The following SYNE1 variants were observed in gnomAD, a reference collection of about 807,000 sequenced individuals.
SYNE1 encodes spectrin repeat containing nuclear envelope protein 1, also known as nesprin-1.
In SYNE1, 616 loss-of-function variants were observed where a neutral mutation model predicts 1,111.0. That is an observed-to-expected ratio of 0.55 (90% CI 0.52 to 0.59). The LOEUF (loss-of-function observed/expected upper bound fraction) is 0.59. SYNE1 is among the 20% of genes least tolerant of loss of function. The pLI, the probability that SYNE1 is intolerant of heterozygous loss-of-function variation, is 0.00. For synonymous variants in SYNE1, 3,855 were observed against 3,825.8 expected (o/e 1.01, Z -0.28); for missense variants, 10,006 against 10,417.0 (o/e 0.96, Z 1.72).
intron 95 of SYNE1, among the ~76,000 whole-genome samples, chr6:152,291,603 T>G (rs931383943): frequency 1.3e-5 from 2 of 152,158 alleles, no homozygotes; most frequent in Non-Finnish European, 2.9e-5. Context: ...TGGTGCTGAT[T>G]GGAAGCTAAC....
intron 124 of SYNE1, among the ~76,000 whole-genome samples, chr6:152,208,804 T>C (rs772325049): frequency 6.6e-6 from 1 of 152,244 alleles, no homozygotes; most frequent in African/African-American, 2.4e-5. Context: ...CTCTTCTACA[T>C]TGTAGGCTGA....
Position 152,213,705 on chromosome 6 carries a change from T to C in SYNE1, c.22401A>G (p.Thr7467=), listed in dbSNP as rs756986735. The part of the protein sequence containing the change: ...QHQTFLEKCE[T]WMEFLVQTEQ... ...CTGTCTGAACTAGGAATTCCATCCA[T>C]GTTTCACATTTTTCCAAGAAAGTCT... The change falls in exon 123 of 146, where the codon ACA becomes ACG. Residue 7467 remains threonine, a synonymous_variant. Transcript: ENST00000367255. 7.4e-6 allele frequency: 12 copies of C among 1,614,138 alleles called. No homozygotes were observed. Among genetic ancestry groups the C allele is most frequent in the East Asian group, 2.2e-5 (1 of 44,870 alleles).
chr6:152,132,890 T>C (rs1320092886), intron 143 of SYNE1, among the ~76,000 whole-genome samples: 3 of 145,940 alleles, frequency 2.1e-5, no homozygotes, highest in Non-Finnish European at 4.5e-5. Flanking sequence ...TTTTTTTTTC[T>C]GTATACATAA....
At chr6:152,382,631 A>G (rs2097441507) in intron 55 of SYNE1, among the ~76,000 whole-genome samples, 1 of 152,202 alleles carries the variant, frequency 6.6e-6, no homozygotes, top group Admixed American at 6.5e-5. Flanking sequence ...ATCACTGTTT[A>G]TTAGTGTGTA....
chr6:152,460,110 G>A (rs2154263280), intron 21 of SYNE1, among the ~76,000 whole-genome samples: 1 of 152,254 alleles, frequency 6.6e-6, no homozygotes, highest in East Asian at 1.9e-4. Context: ...CAGTAAAAAG[G>A]CAAATGACAA....
chr6:152,557,728 A>G (rs2099373743), intron 3 of SYNE1, among the ~76,000 whole-genome samples: 1 of 152,212 alleles, frequency 6.6e-6, no homozygotes, highest in Non-Finnish European at 1.5e-5. Context: ...GCTGTCTTTA[A>G]GAAATGAAGG....
intron 40 of SYNE1, among the ~76,000 whole-genome samples, chr6:152,417,712 GA>G (rs1166551217): frequency 6.6e-6 from 1 of 151,762 alleles, no homozygotes; most frequent in African/African-American, 2.4e-5. Context: ...TTTGTATTTA[GA>G]TATCTCATAT....
At position 152,321,291 on chromosome 6, in the gene SYNE1, C is replaced by T; in HGVS notation, c.16183G>A (p.Glu5395Lys). Reference protein sequence around the residue: ...YLGLYTILPSELSLQLAEVAL... With the variant: ...YLGLYTILPSKLSLQLAEVAL... ...ACTTCAGCCAACTGAAGGGAGAGTT[C>T]AGAAGGTAATATGGTATAAAGACCT... The change falls in exon 84 of 146, where the codon GAA becomes AAA. Residue 5395 changes from glutamate (E) to lysine (K), a missense_variant. Physicochemically the swap from Glu to Lys is moderately conservative, Grantham distance 56. This residue lies in a region of SYNE1 where 4,955 missense variants were observed against 5,017.2 expected (regional missense o/e 0.99). Coordinates refer to ENST00000367255, the MANE Select transcript of SYNE1 (RefSeq NM_182961.4). 1 of 1,613,820 alleles carries T rather than the reference C, an allele frequency of 6.2e-7. No individual in the cohort carries two copies. The highest frequency in any genetic ancestry group is 1.1e-5 in the South Asian group (1 of 91,064).
chr6:152,433,586 G>A, intron 34 of SYNE1: 1 of 586,146 alleles, frequency 1.7e-6, no homozygotes, highest in Non-Finnish European at 3.0e-6. Flanking sequence ...GAATGCACAA[G>A]TCAGACAATG....
At chr6:152,536,194 A>G (rs958424995) in intron 4 of SYNE1, among the ~76,000 whole-genome samples, 1 of 150,464 alleles carries the variant, frequency 6.6e-6, no homozygotes, top group Non-Finnish European at 1.5e-5. Context: ...TCAGAATCCC[A>G]TTCATTGCCT....
chr6:152,258,210 C>T (rs2091299431), intron 101 of SYNE1, among the ~76,000 whole-genome samples: 1 of 152,096 alleles, frequency 6.6e-6, no homozygotes, highest in South Asian at 2.1e-4. Flanking sequence ...ATGATAGAAC[C>T]TGAGTTTTCT....
intron 135 of SYNE1, 126 bp downstream of exon 135, chr6:152,151,427 T>A (rs1332123940): frequency 8.7e-7 from 1 of 1,154,454 alleles, no homozygotes; most frequent in Non-Finnish European, 1.2e-6. Context: ...ATTTTCTGAA[T>A]TTTTTTGCAG....
rs1180289464 is a variant in SYNE1 at position 152,139,513 on chromosome 6, C to T, written c.25458+437G>A. ...TTAAACCTGGGAGGCAGAGGTTGCACTGAGCTGAGATCATGCCACTGCACT... is the reference window on the plus strand; with the variant it reads ...TTAAACCTGGGAGGCAGAGGTTGCATTGAGCTGAGATCATGCCACTGCACT... On this transcript the variant is annotated intron_variant, in intron 140 of 145. Transcript: ENST00000367255. Among the ~76,000 whole-genome samples, 3 of 144,010 alleles carry T rather than the reference C, an allele frequency of 2.1e-5. No individual in the cohort carries two copies. The East Asian group carries it at 6.3e-4, about 30-fold the overall frequency. The allele number at this position is 144,010 out of a possible 152,430, so 94.5% of individuals were successfully genotyped here.
intron 16 of SYNE1, among the ~76,000 whole-genome samples, chr6:152,468,478 T>C (rs1446802406): frequency 2.0e-5 from 3 of 152,196 alleles, no homozygotes; most frequent in African/African-American, 7.2e-5. Context: ...AATTACCTTT[T>C]GGTTTGCATT....
chr6:152,381,450 C>T (rs768075980), intron 55 of SYNE1, 88 bp from the exon 56 acceptor site: 2 of 1,355,516 alleles, frequency 1.5e-6, no homozygotes, highest in Admixed American at 3.4e-5. Flanking sequence ...GGGACCCTGT[C>T]CTGCCAGGAA....
At chr6:152,591,675 TA>T (rs1266489779) in intron 3 of SYNE1, among the ~76,000 whole-genome samples, 1 of 152,070 alleles carries the variant, frequency 6.6e-6, no homozygotes, top group African/African-American at 2.4e-5. Context: ...CTAATCAAAC[TA>T]AAGAGTTTCT....
intron 61 of SYNE1, chr6:152,368,054 A>G (rs1175958363): frequency 6.4e-6 from 1 of 155,324 alleles, no homozygotes; most frequent in African/African-American, 2.4e-5. Flanking sequence ...TAGAATAAAA[A>G]TGGGTGTAAA....
chr6:152,598,546 T>C (rs1455448343), intron 3 of SYNE1, among the ~76,000 whole-genome samples: 1 of 152,214 alleles, frequency 6.6e-6, no homozygotes, highest in Non-Finnish European at 1.5e-5. Flanking sequence ...AACTCAATGG[T>C]CTCTTAGCAA....
chr6:152,285,270 CT>C (rs1050182628), intron 95 of SYNE1, among the ~76,000 whole-genome samples: 9 of 152,136 alleles, frequency 5.9e-5, no homozygotes, highest in Admixed American at 2.0e-4. Context: ...AAAAATATAT[CT>C]TGTATATCTG....
Sources: gnomAD v4.1 joint callset for allele counts (sites outside exome capture counted in the v4.1 genomes callset) on GRCh38, gnomAD v4.1.1 for gene constraint, gnomAD v4.1.1 regional missense constraint, MANE v1.5 for transcripts, NCBI Gene and HGNC (gene_info 2026-07-23, HGNC 2026-07-21) for gene names.